FSTL4: variants seen among roughly 807,000 people sequenced by gnomAD.
The protein encoded by FSTL4 is follistatin like 4.
A neutral mutation model predicts 78.2 loss-of-function variants in FSTL4; 28 were observed. That is an observed-to-expected ratio of 0.36 (90% CI 0.27 to 0.49). The LOEUF (loss-of-function observed/expected upper bound fraction) is 0.49, where lower values mean the gene tolerates loss of function less well. FSTL4 is among the 20% of genes least tolerant of loss of function. FSTL4 has a pLI of 0.98. For missense variants in FSTL4, 922 were observed against 1,084.9 expected (o/e 0.85, Z 2.11); for synonymous variants, 422 against 440.5 (o/e 0.96, Z 0.53).
At chr5:133,592,457 C>T (rs372289) in intron 2 of FSTL4, among the ~76,000 whole-genome samples, 17,954 of 152,170 alleles carry the variant, frequency 0.12, 1,502 homozygotes, top group African/African-American at 0.24. Context: ...GAATGGATAA[C>T]GAATCACAGA....
chr5:133,768,639 T>C, the FSTL4 span, among the ~76,000 whole-genome samples: 1 of 152,190 alleles, frequency 6.6e-6, no homozygotes. Flanking sequence ...GAGAGTTTCA[T>C]TCTGTGTAAA....
chr5:133,520,981 C>T (rs979941903), intron 3 of FSTL4, among the ~76,000 whole-genome samples: 7 of 152,090 alleles, frequency 4.6e-5, no homozygotes, highest in Non-Finnish European at 1.0e-4. Context: ...GTTCGAAGTC[C>T]CTGTGTGGAT....
At chr5:133,631,474 C>T in the FSTL4 span, among the ~76,000 whole-genome samples, 4 of 151,996 alleles carry the variant, frequency 2.6e-5, no homozygotes, top group Admixed American at 6.6e-5. Flanking sequence ...GTTAGAATGG[C>T]GATCATTAAA....
the FSTL4 span, among the ~76,000 whole-genome samples, chr5:133,698,886 C>G: frequency 6.6e-6 from 1 of 152,252 alleles, no homozygotes; most frequent in Non-Finnish European, 1.5e-5. Context: ...TCAAAGGAGA[C>G]AGACCCACGG....
chr5:133,788,438 G>A, the FSTL4 span, among the ~76,000 whole-genome samples: 2 of 152,212 alleles, frequency 1.3e-5, no homozygotes, highest in Admixed American at 1.3e-4. Context: ...AAATGCAGTT[G>A]ACTTGAGGCC....
intron 3 of FSTL4, among the ~76,000 whole-genome samples, chr5:133,448,921 C>G (rs940528558): frequency 4.6e-5 from 7 of 152,306 alleles, no homozygotes; most frequent in Admixed American, 3.9e-4. Context: ...GACTAATTCT[C>G]ACCCAGATGT....
chr5:133,582,349 T>C (rs1279175329), intron 2 of FSTL4, among the ~76,000 whole-genome samples: 1 of 152,166 alleles, frequency 6.6e-6, no homozygotes, highest in Non-Finnish European at 1.5e-5. Context: ...AGTTTCCTCA[T>C]CTGCAAAATG....
chr5:133,291,073 G>A (rs1753252300), intron 6 of FSTL4, among the ~76,000 whole-genome samples: 1 of 152,204 alleles, frequency 6.6e-6, no homozygotes, highest in Non-Finnish European at 1.5e-5. Flanking sequence ...AGACTCAACC[G>A]CCCACTTGGA....
rs993428756 is a variant in FSTL4, at chr5:133,225,780, T to G, written c.1055A>C (p.Gln352Pro). ...VIRVYPESQAQEPGVAASLRC... is the reference protein window; with the variant it reads ...VIRVYPESQAPEPGVAASLRC... ...TAGGCTGGCTGCCACTCCAGGCTCCTGTGCCTGGCTCTCTGGATAGACACG... is the reference window on the plus strand; with the variant it reads ...TAGGCTGGCTGCCACTCCAGGCTCCGGTGCCTGGCTCTCTGGATAGACACG... The change falls in exon 9 of 16, where the codon CAG (glutamine) becomes CCG (proline). Residue 352 changes from glutamine (Q) to proline (P), a missense_variant. Coordinates refer to ENST00000265342, the MANE Select transcript of FSTL4 (RefSeq NM_015082.2). This position sits in a 1 kb window ranked among gnomAD's most constrained non-coding sequence, Gnocchi z 4.6. The G allele has an allele frequency of 6.2e-7, 1 of 1,605,794 alleles. No individual in the cohort carries two copies. The highest frequency in any genetic ancestry group is 2.2e-5 in the East Asian group (1 of 44,712).
chr5:133,688,560 C>T, the FSTL4 span, among the ~76,000 whole-genome samples: 1 of 152,336 alleles, frequency 6.6e-6, no homozygotes, highest in Admixed American at 6.5e-5. Context: ...GACTCAGCCT[C>T]GAAACAGTCC....
chr5:133,216,289 C>T (rs192866051), intron 13 of FSTL4, among the ~76,000 whole-genome samples: 1 of 152,182 alleles, frequency 6.6e-6, no homozygotes, highest in African/African-American at 2.4e-5. Context: ...CAGATCCCTG[C>T]TCCATCTTCC....
chr5:133,429,692 G>A (rs1756896468), intron 3 of FSTL4, among the ~76,000 whole-genome samples: 2 of 152,046 alleles, frequency 1.3e-5, no homozygotes, highest in Admixed American at 1.3e-4. Flanking sequence ...TGGATGCACC[G>A]TACTATGGGT....
At chr5:133,276,897 A>G (rs1306394528) in intron 6 of FSTL4, among the ~76,000 whole-genome samples, 1 of 152,228 alleles carries the variant, frequency 6.6e-6, no homozygotes, top group Non-Finnish European at 1.5e-5. Context: ...AAATGAAGTG[A>G]CAATAGGCAA....
At chr5:133,635,998 A>G in the FSTL4 span, among the ~76,000 whole-genome samples, 5 of 152,172 alleles carry the variant, frequency 3.3e-5, no homozygotes, top group Non-Finnish European at 7.4e-5. Context: ...GCATGGCATC[A>G]CGTGAGCAGG....
At chr5:133,472,171 T>C (rs1003603155) in intron 3 of FSTL4, among the ~76,000 whole-genome samples, 2 of 152,354 alleles carry the variant, frequency 1.3e-5, no homozygotes, top group South Asian at 4.1e-4. Flanking sequence ...GGGGGTTATA[T>C]AGCAGTTATA....
intron 3 of FSTL4, among the ~76,000 whole-genome samples, chr5:133,517,447 A>AAAAAAAAAAATAAACATATATATATATAT (rs1554068019): frequency 6.1e-5 from 1 of 16,416 alleles, no homozygotes; most frequent in African/African-American, 2.8e-4. Context: ...AAAAAAAAAA[A>AAAAAAAAAAATAAACATATATATATATAT]ATATATATAT....
intron 6 of FSTL4, among the ~76,000 whole-genome samples, chr5:133,310,630 T>C (rs1377556332): frequency 1.3e-5 from 2 of 152,252 alleles, no homozygotes; most frequent in Non-Finnish European, 2.9e-5. Context: ...TATAATCTGC[T>C]TGATGACGGC....
At chr5:133,772,028 A>G in the FSTL4 span, among the ~76,000 whole-genome samples, 2 of 152,338 alleles carry the variant, frequency 1.3e-5, no homozygotes, top group East Asian at 3.8e-4. Flanking sequence ...CTAACATACA[A>G]TAAATTAATG....
At chr5:133,653,523 A>G in the FSTL4 span, among the ~76,000 whole-genome samples, 2 of 152,124 alleles carry the variant, frequency 1.3e-5, no homozygotes, top group South Asian at 2.1e-4. Context: ...CCCGCTGAGG[A>G]TTAACTGTTC....
Sources: gnomAD v4.1 joint callset for allele counts (sites outside exome capture counted in the v4.1 genomes callset) on GRCh38, gnomAD v4.1.1 for gene constraint, Gnocchi (gnomAD v3.1) non-coding constraint, MANE v1.5 for transcripts, NCBI Gene and HGNC (gene_info 2026-07-23, HGNC 2026-07-21) for gene names.